Variants in CACNB2 observed in about 807,000 individuals in gnomAD.
CACNB2 encodes the protein calcium voltage-gated channel auxiliary subunit beta 2, also known as voltage-dependent L-type calcium channel subunit beta-2.
In CACNB2, 42 loss-of-function variants were observed where a neutral mutation model predicts 73.3. That is an observed-to-expected ratio of 0.57 (90% CI 0.45 to 0.74). The LOEUF is 0.74. Ranked by LOEUF, CACNB2 falls within the 30% of genes least tolerant of loss-of-function variation. The probability of loss-of-function intolerance (pLI) is 0.00; values close to 1 mark genes in which losing one functional copy is unlikely to be tolerated. For missense variants in CACNB2, 940 were observed against 853.0 expected (o/e 1.10, Z -1.27); for synonymous variants, 348 against 310.3 (o/e 1.12, Z -1.28).
chr10:18,521,306 C>T lies in CACNB2; in HGVS notation c.944+2338C>T, dbSNP rs185796745. On this transcript the variant is annotated intron_variant, in intron 9 of 13. Coordinates refer to ENST00000324631, the MANE Select transcript of CACNB2 (RefSeq NM_201596.3). ...GGAAGAATTTTTAAATGGTGCCTAA[C>T]GTTTGACCAAATGGATTACAGGGAA... Among the ~76,000 whole-genome samples, 169 of 152,322 alleles carry T rather than the reference C, an allele frequency of 1.1e-3. 1 individual carries two copies. The highest frequency in any genetic ancestry group is 3.9e-3 in the African/African-American group (161 of 41,564).
intron 6 of CACNB2, among the ~76,000 whole-genome samples, chr10:18,511,005 T>C (rs1473510248): frequency 1.3e-5 from 2 of 152,336 alleles, no homozygotes; most frequent in Non-Finnish European, 2.9e-5. Flanking sequence ...GCTTATGCCA[T>C]TCAATAAGCC....
chr10:18,293,454 T>C (rs1365792000), intron 2 of CACNB2, among the ~76,000 whole-genome samples: 1 of 152,188 alleles, frequency 6.6e-6, no homozygotes, highest in Non-Finnish European at 1.5e-5. Flanking sequence ...CCCTCCTTCA[T>C]CTGATTAATA....
intron 3 of CACNB2, among the ~76,000 whole-genome samples, chr10:18,408,241 T>TTC (rs1299734184): frequency 7.0e-6 from 1 of 141,980 alleles, no homozygotes; most frequent in East Asian, 2.0e-4. Context: ...CTTTTTTTTT[T>TTC]TTTTTTTTTT....
intron 2 of CACNB2, among the ~76,000 whole-genome samples, chr10:18,367,189 A>G (rs1430139751): frequency 7.0e-6 from 1 of 142,692 alleles, no homozygotes; most frequent in Non-Finnish European, 1.5e-5. Flanking sequence ...TGTCACTAAC[A>G]GTAATATAAA....
intron 2 of CACNB2, among the ~76,000 whole-genome samples, chr10:18,359,209 AAAAT>A (rs765331861): frequency 6.6e-6 from 1 of 152,174 alleles, no homozygotes; most frequent in Non-Finnish European, 1.5e-5. Flanking sequence ...TACCCCCACA[AAAAT>A]AAATAAATAG....
At chr10:18,255,869 A>G (rs983078163) in intron 2 of CACNB2, among the ~76,000 whole-genome samples, 1 of 152,216 alleles carries the variant, frequency 6.6e-6, no homozygotes, top group African/African-American at 2.4e-5. Context: ...CAGTTCTGCT[A>G]CAGAAGGCTT....
intron 2 of CACNB2, among the ~76,000 whole-genome samples, chr10:18,350,017 G>A (rs989764631): frequency 6.6e-6 from 1 of 152,118 alleles, no homozygotes; most frequent in Non-Finnish European, 1.5e-5. Flanking sequence ...GACGAGGTGG[G>A]TGGATCACCT....
At chr10:18,473,430 C>G (rs1447655281) in intron 3 of CACNB2, among the ~76,000 whole-genome samples, 1 of 152,196 alleles carries the variant, frequency 6.6e-6, no homozygotes, top group African/African-American at 2.4e-5. Context: ...TGCCAGGCCC[C>G]AAGCCCTGAA....
intron 3 of CACNB2, among the ~76,000 whole-genome samples, chr10:18,434,901 G>A (rs1044026715): frequency 2.0e-5 from 3 of 152,144 alleles, no homozygotes; most frequent in Admixed American, 6.5e-5. Flanking sequence ...ATGAGAGAAC[G>A]AGAATATTAG....
intron 2 of CACNB2, chr10:18,400,635 C>A: frequency 9.7e-7 from 1 of 1,025,940 alleles, no homozygotes; most frequent in South Asian, 3.4e-5. Flanking sequence ...TACGTTTTTG[C>A]ACTAGTTTTT....
At chr10:18,231,260 T>C (rs1038452506) in intron 2 of CACNB2, among the ~76,000 whole-genome samples, 1 of 152,182 alleles carries the variant, frequency 6.6e-6, no homozygotes. Flanking sequence ...CACTGCAACC[T>C]CCACCTCCCA....
At chr10:18,359,998 C>G (rs182074167) in intron 2 of CACNB2, among the ~76,000 whole-genome samples, 2 of 152,210 alleles carry the variant, frequency 1.3e-5, no homozygotes, top group South Asian at 2.1e-4. Context: ...AGGAACTGGA[C>G]TCTATACTGG....
chr10:18,323,890 T>C (rs2040484711), intron 2 of CACNB2, among the ~76,000 whole-genome samples: 1 of 152,232 alleles, frequency 6.6e-6, no homozygotes, highest in African/African-American at 2.4e-5. Context: ...TTTGAACACA[T>C]TGAAATGAGA....
chr10:18,214,113 G>C (rs1588716270), intron 2 of CACNB2, among the ~76,000 whole-genome samples: 1 of 152,198 alleles, frequency 6.6e-6, no homozygotes, highest in Admixed American at 6.5e-5. Context: ...CAGGGGGGCA[G>C]TGTGTGGGAA....
chr10:18,234,365 A>G (rs1369835384), intron 2 of CACNB2: 1 of 152,222 alleles, frequency 6.6e-6, no homozygotes, highest in Non-Finnish European at 1.5e-5. Context: ...TAAAATTACC[A>G]TGTGATCAGC....
intron 2 of CACNB2, among the ~76,000 whole-genome samples, chr10:18,268,550 T>A (rs1048842183): frequency 6.6e-6 from 1 of 152,222 alleles, no homozygotes; most frequent in Non-Finnish European, 1.5e-5. Flanking sequence ...ATGATTGCAT[T>A]TATTCTACAT....
chr10:18,267,492 G>C (rs879270476), intron 2 of CACNB2, among the ~76,000 whole-genome samples: 24 of 152,208 alleles, frequency 1.6e-4, no homozygotes, highest in African/African-American at 5.1e-4. Context: ...TGTAATCCCA[G>C]TTACTCAGGA....
chr10:18,168,953 C>G (rs2033050917), intron 2 of CACNB2, among the ~76,000 whole-genome samples: 1 of 152,158 alleles, frequency 6.6e-6, no homozygotes, highest in Admixed American at 6.5e-5. Flanking sequence ...TTAATACAGT[C>G]TAACAGCCAA....
intron 2 of CACNB2, among the ~76,000 whole-genome samples, chr10:18,302,175 GCAGT>G (rs781630409): frequency 1.1e-4 from 16 of 152,202 alleles, no homozygotes; most frequent in South Asian, 6.2e-4. Flanking sequence ...CACTCATTTA[GCAGT>G]CAAAGTTGTA....
Sources: gnomAD v4.1 joint callset for allele counts (sites outside exome capture counted in the v4.1 genomes callset) on GRCh38, gnomAD v4.1.1 for gene constraint, MANE v1.5 for transcripts, NCBI Gene and HGNC (gene_info 2026-07-23, HGNC 2026-07-21) for gene names.